The following SPATA17 variants were observed in gnomAD, a reference collection of about 807,000 sequenced individuals.
SPATA17 encodes spermatogenesis associated 17, also known as spermatogenesis-associated protein 17.
Under a neutral mutation model 62.2 loss-of-function variants are expected in SPATA17, and 53 were observed. That is an observed-to-expected ratio of 0.85 (90% CI 0.68 to 1.07). The LOEUF (loss-of-function observed/expected upper bound fraction) is 1.07. SPATA17 is among the 50% of genes least tolerant of loss of function. The pLI is 0.00. For synonymous variants in SPATA17, 146 were observed against 146.8 expected (o/e 0.99, Z 0.04); for missense variants, 466 against 425.5 (o/e 1.10, Z -0.84).
intron 9 of SPATA17, among the ~76,000 whole-genome samples, chr1:217,859,260 T>C (rs1376251808): frequency 6.8e-6 from 1 of 147,360 alleles, no homozygotes; most frequent in Admixed American, 6.8e-5. Context: ...ATATAAATAA[T>C]ATATGTAAAA....
Position 217,774,480 on chromosome 1 carries a change from C to T in SPATA17, c.666C>T (p.Ser222=), listed in dbSNP as rs759075977. The change falls in exon 7 of 11, where the codon AGC becomes AGT. Residue 222 remains serine, a synonymous_variant. Coordinates refer to ENST00000366933, the MANE Select transcript of SPATA17 (RefSeq NM_138796.4). The part of the protein sequence containing the change: ...TSLTDWLACT[S]ARSFPRSEIL... ...TTACTGATTGGCTAGCTTGTACAAG[C>T]GCCCGTTCTTTTCCTCGGTCTGAAA... 1.7e-5 allele frequency: 27 copies of T among 1,613,954 alleles called. No homozygotes were observed. The highest frequency in any genetic ancestry group is 2.7e-5 in the African/African-American group (2 of 74,912).
At chr1:217,858,357 A>T (rs565364452) in intron 9 of SPATA17, among the ~76,000 whole-genome samples, 67 of 152,316 alleles carry the variant, frequency 4.4e-4, no homozygotes, top group South Asian at 2.3e-3. Context: ...TCTATTATTT[A>T]AGGAATGAGA....
chr1:217,832,781 A>G (rs1158271605), intron 9 of SPATA17, among the ~76,000 whole-genome samples: 3 of 152,020 alleles, frequency 2.0e-5, no homozygotes, highest in African/African-American at 4.8e-5. Flanking sequence ...TGTCTCTACA[A>G]AAAATAGAAA....
intron 8 of SPATA17, among the ~76,000 whole-genome samples, chr1:217,800,420 T>A (rs1411962835): frequency 6.6e-6 from 1 of 150,494 alleles, no homozygotes; most frequent in Non-Finnish European, 1.5e-5. Context: ...AGTCTTTGGA[T>A]TAAAATCTAC....
Position 217,867,645 on chromosome 1 carries a change from T to C in SPATA17, c.*626T>C, listed in dbSNP as rs533039721. ...TGCCAGGGCTGTGTCAGATCCTGCA[T>C]GGCTCTGAACTACAGTTGGTTTCCA... On this transcript the variant is annotated 3_prime_UTR_variant, in exon 11 of 11. Transcript: ENST00000366933. 16 of 152,224 alleles carry C rather than the reference T, an allele frequency of 1.1e-4. No homozygotes were observed. Among genetic ancestry groups the C allele is most frequent in the Non-Finnish European group, 1.2e-4 (8 of 68,046 alleles). 9.4% of individuals were successfully genotyped at this position (152,224 alleles called of 1,614,324 possible).
chr1:217,696,515 C>A (rs1019462076), intron 5 of SPATA17, among the ~76,000 whole-genome samples: 3 of 152,172 alleles, frequency 2.0e-5, no homozygotes, highest in Non-Finnish European at 2.9e-5. Flanking sequence ...GCCATCTTGG[C>A]TCCTCCCCAA....
In SPATA17 at chr1:217,852,085, C is replaced by T. The variant is rs147821011; in HGVS notation, c.1006-10689C>T. ...TCAAGGAAAATGAATGAAACATGTA[C>T]CCTGTTAGCTCTCCTCTTGGAGAAC... On this transcript the variant is annotated intron_variant, in intron 9 of 10. Transcript: ENST00000366933. Among the ~76,000 whole-genome samples, 6 of 152,228 alleles carry T rather than the reference C, an allele frequency of 3.9e-5. No individual in the cohort carries two copies. The East Asian group carries it at 7.7e-4, about 20-fold the overall frequency.
chr1:217,729,079 G>A (rs887128861), intron 5 of SPATA17, among the ~76,000 whole-genome samples: 9 of 152,222 alleles, frequency 5.9e-5, no homozygotes, highest in Non-Finnish European at 1.0e-4. Flanking sequence ...TTAATTAGAA[G>A]TGAACAGTTT....
At chr1:217,758,323 A>G (rs10495074) in intron 6 of SPATA17, among the ~76,000 whole-genome samples, 66,158 of 152,018 alleles carry the variant, frequency 0.44, 15,777 homozygotes, top group Non-Finnish European at 0.55. Context: ...ACATGACACT[A>G]TCGCTTAGGA....
intron 1 of SPATA17, among the ~76,000 whole-genome samples, chr1:217,642,354 A>G (rs1329550901): frequency 6.6e-6 from 1 of 152,016 alleles, no homozygotes; most frequent in East Asian, 1.9e-4. Context: ...TTCCTATTTT[A>G]TTCAGTGGGT....
intron 5 of SPATA17, among the ~76,000 whole-genome samples, chr1:217,707,442 A>G (rs1671761975): frequency 6.6e-6 from 1 of 152,114 alleles, no homozygotes; most frequent in South Asian, 2.1e-4. Context: ...GATTGCTCTG[A>G]CAAGGACTTC....
chr1:217,719,692 A>G (rs1672081593), intron 5 of SPATA17, among the ~76,000 whole-genome samples: 1 of 152,238 alleles, frequency 6.6e-6, no homozygotes, highest in African/African-American at 2.4e-5. Flanking sequence ...AAATGAACAA[A>G]AGGGAACTCT....
intron 7 of SPATA17, among the ~76,000 whole-genome samples, chr1:217,780,819 A>G (rs1269482266): frequency 6.6e-6 from 1 of 152,194 alleles, no homozygotes; most frequent in African/African-American, 2.4e-5. Context: ...ATCTTAAGAG[A>G]AATTCTGTGA....
chr1:217,663,781 C>T (rs1329578026), intron 3 of SPATA17, among the ~76,000 whole-genome samples: 1 of 152,046 alleles, frequency 6.6e-6, no homozygotes, highest in Non-Finnish European at 1.5e-5. Flanking sequence ...ATACATATTA[C>T]TTTAAATGTT....
rs1249218091 is a variant in SPATA17 at position 217,834,343 on chromosome 1, C to T, written c.1006-28431C>T. 2.6e-5 allele frequency among the ~76,000 whole-genome samples: 4 copies of T among 152,068 alleles called. No homozygotes were observed. The East Asian group carries it at 7.7e-4, about 29-fold the overall frequency. On this transcript the variant is annotated intron_variant, in intron 9 of 10. Transcript: ENST00000366933. ...TTGCTTCTATTTAGAAAAAAGTTAA[C>T]TGAAAACAGCATCAGGCAGGTCTTT...
intron 5 of SPATA17, among the ~76,000 whole-genome samples, chr1:217,704,159 C>T (rs550693861): frequency 1.5e-4 from 23 of 148,456 alleles, no homozygotes; most frequent in African/African-American, 3.2e-4. Context: ...CAGATTTTTT[C>T]GCCACCCAGA....
At chr1:217,636,832 A>G (rs1316667229) in intron 1 of SPATA17, among the ~76,000 whole-genome samples, 1 of 152,212 alleles carries the variant, frequency 6.6e-6, no homozygotes, top group Non-Finnish European at 1.5e-5. Flanking sequence ...TTTTTGCTGA[A>G]CAAAATTTAA....
intron 9 of SPATA17, among the ~76,000 whole-genome samples, chr1:217,819,653 C>A (rs1364798766): frequency 5.3e-5 from 8 of 152,062 alleles, no homozygotes; most frequent in Non-Finnish European, 1.0e-4. Flanking sequence ...AGGTTTGCAA[C>A]AATGAGGAAA....
intron 9 of SPATA17, among the ~76,000 whole-genome samples, chr1:217,840,004 T>TTA (rs1675354529): frequency 1.5e-5 from 2 of 135,932 alleles, no homozygotes; most frequent in Non-Finnish European, 3.4e-5. Flanking sequence ...GGTTTAATCT[T>TTA]GTCGAAAAAA....
Sources: allele counts gnomAD v4.1 joint callset (sites outside exome capture counted in the v4.1 genomes callset), GRCh38; gene constraint gnomAD v4.1.1; transcripts MANE v1.5; gene names NCBI Gene and HGNC (gene_info 2026-07-23, HGNC 2026-07-21).